Variants in DLGAP2 observed in about 807,000 individuals in gnomAD.
DLGAP2 encodes the protein disks large-associated protein 2.
DLGAP2 carries 26 observed loss-of-function variants against 100.3 expected under a neutral mutation model. The ratio of observed to expected loss-of-function variants is 0.26; its 90% CI spans 0.19 to 0.36. The LOEUF is 0.36. DLGAP2 is among the 10% of genes least tolerant of loss of function. The probability of loss-of-function intolerance (pLI) is 1.00; values close to 1 mark genes in which losing one functional copy is unlikely to be tolerated. For missense variants in DLGAP2, 1,858 were observed against 1,453.2 expected, an observed-to-expected ratio of 1.28 and a Z score of -4.53; for synonymous variants, 886 against 630.1, an observed-to-expected ratio of 1.41 and a Z score of -6.08.
At chr8:1,517,148 C>T (rs1352537166) in intron 4 of DLGAP2, among the ~76,000 whole-genome samples, 1 of 152,116 alleles carries the variant, frequency 6.6e-6, no homozygotes, top group Non-Finnish European at 1.5e-5. Flanking sequence ...ACCCCCATGG[C>T]TGTGGGTGGA....
intron 2 of DLGAP2, among the ~76,000 whole-genome samples, chr8:1,093,360 GCCAGAAACACCTTCACACCA>G (rs1235208668): frequency 7.4e-6 from 1 of 135,382 alleles, no homozygotes; most frequent in African/African-American, 3.9e-5. Context: ...CACACCAACA[GCCAGAAACACCTTCACACCA>G]ACAGCCAGAC....
intron 1 of DLGAP2, among the ~76,000 whole-genome samples, chr8:783,340 AT>A (rs1821752562): frequency 6.6e-6 from 1 of 152,128 alleles, no homozygotes; most frequent in African/African-American, 2.4e-5. Flanking sequence ...GCATGGTAAC[AT>A]TTCTTTCTTC....
chr8:1,683,284 G>A (rs1799005808), intron 12 of DLGAP2, among the ~76,000 whole-genome samples: 1 of 151,572 alleles, frequency 6.6e-6, no homozygotes, highest in African/African-American at 2.4e-5. Context: ...TTTGGTCAAG[G>A]TGGTGGATGG....
intron 3 of DLGAP2, among the ~76,000 whole-genome samples, chr8:1,480,180 C>T (rs1303581399): frequency 1.3e-5 from 2 of 152,180 alleles, no homozygotes; most frequent in African/African-American, 2.4e-5. Flanking sequence ...ATCCCCCCTC[C>T]GCCTGCTGAG....
chr8:1,635,011 A>T (rs938812249), intron 8 of DLGAP2, among the ~76,000 whole-genome samples: 1 of 152,220 alleles, frequency 6.6e-6, no homozygotes, highest in African/African-American at 2.4e-5. Context: ...TGTCCAAGTT[A>T]TGTGACATCT....
chr8:975,782 A>T (rs75669799), intron 2 of DLGAP2, among the ~76,000 whole-genome samples: 2,366 of 152,318 alleles, frequency 0.016, 74 homozygotes, highest in African/African-American at 0.054. Flanking sequence ...CTCATACTTC[A>T]TGGTGAGAAA....
intron 4 of DLGAP2, among the ~76,000 whole-genome samples, chr8:1,505,650 GAATT>G (rs1296328686): frequency 2.6e-5 from 4 of 152,200 alleles, no homozygotes; most frequent in African/African-American, 9.7e-5. Flanking sequence ...CTGATAAAAT[GAATT>G]AATGTAGCAC....
intron 4 of DLGAP2, among the ~76,000 whole-genome samples, chr8:1,539,583 T>A (rs191009179): frequency 7.2e-5 from 11 of 151,922 alleles, no homozygotes; most frequent in African/African-American, 2.7e-4. Context: ...GGAGCTGTGA[T>A]GGGGCCACCT....
chr8:1,207,098 T>C (rs1798012787), intron 2 of DLGAP2, among the ~76,000 whole-genome samples: 1 of 152,218 alleles, frequency 6.6e-6, no homozygotes, highest in African/African-American at 2.4e-5. Context: ...TCTTCCTTTT[T>C]TATTTCAATA....
intron 8 of DLGAP2, among the ~76,000 whole-genome samples, chr8:1,648,388 AT>A (rs937425342): frequency 7.3e-5 from 11 of 151,658 alleles, no homozygotes; most frequent in Admixed American, 2.0e-4. Context: ...AAGAAATAAC[AT>A]TTTTTTTTAA....
Position 1,357,009 on chromosome 8 carries a change from CAG to C in DLGAP2, c.106+98129_106+98130del, listed in dbSNP as rs575211574. 3.0e-3 allele frequency among the ~76,000 whole-genome samples: 453 copies of C among 150,954 alleles called. 5 individuals are homozygous for C. The highest frequency in any genetic ancestry group is 4.2e-3 in the Non-Finnish European group (284 of 66,986). On this transcript the variant is annotated intron_variant, in intron 3 of 14. Transcript: ENST00000637795. ...CTGGAACACACAGCGGGGTAGGGCT[CAG>C]AGCTCAGAATCTGGCGGGAGAAATC...
Position 1,685,091 on chromosome 8 carries a change from A to AGAT in DLGAP2, c.2705-6442_2705-6440dup, listed in dbSNP as rs1799080472. On this transcript the variant is annotated intron_variant, in intron 12 of 14. Transcript: ENST00000637795. The stretch of plus-strand genomic sequence containing the variant: ...TCCTATTAACACAAGAGCCGGGGTC[A>AGAT]GATGTGTGACTTTGTATCTCCTGGG... Among the ~76,000 whole-genome samples, 5 of 151,766 alleles carry AGAT rather than the reference A, an allele frequency of 3.3e-5. 1 individual carries two copies. The highest frequency in any genetic ancestry group is 1.2e-4 in the African/African-American group (5 of 41,098).
At chr8:1,366,059 G>A (rs924609305) in intron 3 of DLGAP2, among the ~76,000 whole-genome samples, 1 of 152,260 alleles carries the variant, frequency 6.6e-6, no homozygotes, top group African/African-American at 2.4e-5. Context: ...CAGCCGGGCA[G>A]GGGCAGATGT....
At chr8:1,078,538 A>C (rs138455517) in intron 2 of DLGAP2, among the ~76,000 whole-genome samples, 59 of 152,194 alleles carry the variant, frequency 3.9e-4, no homozygotes, top group African/African-American at 1.3e-3. Context: ...TGCTGCCCTA[A>C]AAACCCTCTG....
At chr8:1,272,816 C>A (rs1799609861) in intron 3 of DLGAP2, among the ~76,000 whole-genome samples, 1 of 152,140 alleles carries the variant, frequency 6.6e-6, no homozygotes, top group Admixed American at 6.5e-5. Flanking sequence ...CCATGAGCTG[C>A]CGGCCTGCAA....
rs1798642679 is a variant in DLGAP2 at position 1,669,751 on chromosome 8, A to G, written c.2169A>G (p.Glu723=). ...TTCATTGTTTTGTTTAGGATTCTGA[A>G]TTCCCAGAGCATCAGCCATACCCAA... The part of the protein sequence containing the change: ...RCSSIGIQDS[E]FPEHQPYPRS... The change falls in exon 10 of 15, where the codon GAA becomes GAG. Residue 723 remains glutamate (E), a synonymous_variant. Transcript: ENST00000637795. 1 of 780,802 alleles carries G rather than the reference A, an allele frequency of 1.3e-6. No homozygotes were observed. Among genetic ancestry groups the G allele is most frequent in the Non-Finnish European group, 2.4e-6 (1 of 417,996 alleles). The allele number at this position is 780,802 out of a possible 1,614,324, so 48.4% of individuals were successfully genotyped here.
At chr8:749,867 C>T (rs1030305920) in intron 1 of DLGAP2, among the ~76,000 whole-genome samples, 1 of 152,172 alleles carries the variant, frequency 6.6e-6, no homozygotes, top group African/African-American at 2.4e-5. Flanking sequence ...AGGGTCCCCT[C>T]CTCTCCTGGC....
chr8:1,424,791 A>G (rs565314706), intron 3 of DLGAP2, among the ~76,000 whole-genome samples: 1 of 152,340 alleles, frequency 6.6e-6, no homozygotes, highest in African/African-American at 2.4e-5. Flanking sequence ...CGAATAGGAC[A>G]AGGACAGTAT....
intron 4 of DLGAP2, among the ~76,000 whole-genome samples, chr8:1,537,269 AATC>A (rs1801184941): frequency 6.6e-6 from 1 of 152,176 alleles, no homozygotes; most frequent in African/African-American, 2.4e-5. Context: ...GCATGTGCAT[AATC>A]ATGCATGTGT....
Sources: gnomAD v4.1 joint callset for allele counts (sites outside exome capture counted in the v4.1 genomes callset) on GRCh38, gnomAD v4.1.1 for gene constraint, MANE v1.5 for transcripts, NCBI Gene and HGNC (gene_info 2026-07-23, HGNC 2026-07-21) for gene names.